ATP2B2: variants seen among roughly 807,000 people sequenced by gnomAD.
ATP2B2 encodes plasma membrane calcium-transporting ATPase 2.
Under a neutral mutation model 120.0 loss-of-function variants are expected in ATP2B2, and 15 were observed. The ratio of observed to expected loss-of-function variants is 0.12; its 90% CI spans 0.08 to 0.19. The LOEUF (loss-of-function observed/expected upper bound fraction) is 0.19. Among genes scored for constraint, ATP2B2 ranks in the 10% least tolerant of loss-of-function variants. ATP2B2 has a pLI of 1.00. For missense variants in ATP2B2, 1,045 were observed against 1,719.8 expected (o/e 0.61, Z 6.94); for synonymous variants, 694 against 700.3 (o/e 0.99, Z 0.14).
chr3:10,596,448 T>A (rs1441051281), intron 2 of ATP2B2, among the ~76,000 whole-genome samples: 1 of 152,206 alleles, frequency 6.6e-6, no homozygotes, highest in African/African-American at 2.4e-5. Context: ...ACAAATTTAA[T>A]TTTGCATGTC....
intron 2 of ATP2B2, among the ~76,000 whole-genome samples, chr3:10,576,403 C>T (rs1218581605): frequency 6.6e-6 from 1 of 152,132 alleles, no homozygotes; most frequent in Admixed American, 6.5e-5. Flanking sequence ...TTTTTTGAGA[C>T]ATCATCTTGC....
chr3:10,401,088 G>C lies in ATP2B2; in HGVS notation c.656-10C>G, dbSNP rs368929622. The C allele has an allele frequency of 7.9e-5, 127 of 1,613,732 alleles. No individual in the cohort carries two copies. In the African/African-American group the frequency reaches 1.5e-3, roughly 19 times the overall value. On this transcript the variant is annotated splice_polypyrimidine_tract_variant and intron_variant, in intron 4 of 22. Coordinates refer to ENST00000360273, the MANE Select transcript of ATP2B2 (RefSeq NM_001001331.4). ...GCAGGGAGGAGGTCACCTGGCAAGA[G>C]GAAGGGCAGGGGAGTCAGCAGGCTC...
chr3:10,445,916 G>C (rs1464019848), intron 2 of ATP2B2, among the ~76,000 whole-genome samples: 1 of 152,200 alleles, frequency 6.6e-6, no homozygotes, highest in African/African-American at 2.4e-5. Flanking sequence ...AGATGGCCAA[G>C]CAGGGTGGGA....
intron 1 of ATP2B2, among the ~76,000 whole-genome samples, chr3:10,464,239 G>C (rs548055808): frequency 6.6e-6 from 1 of 152,280 alleles, no homozygotes; most frequent in African/African-American, 2.4e-5. Flanking sequence ...GCGCAGCCGA[G>C]TCCTCGCGAC....
At chr3:10,466,287 C>T (rs2064737917) in intron 1 of ATP2B2, among the ~76,000 whole-genome samples, 1 of 152,242 alleles carries the variant, frequency 6.6e-6, no homozygotes, top group Non-Finnish European at 1.5e-5. Flanking sequence ...CCTGCTCCCT[C>T]TTGTCCACTG....
chr3:10,509,611 C>T (rs1364548363), upstream of ATP2B2, among the ~76,000 whole-genome samples: 3 of 152,226 alleles, frequency 2.0e-5, no homozygotes, highest in African/African-American at 7.2e-5. Flanking sequence ...TCTCTCTGCG[C>T]CTGCCTAAAG....
chr3:10,614,139 G>A (rs913707670), intron 2 of ATP2B2, among the ~76,000 whole-genome samples: 2 of 152,002 alleles, frequency 1.3e-5, no homozygotes, highest in Non-Finnish European at 2.9e-5. Context: ...TATTACATAT[G>A]CATTTGTTTA....
chr3:10,536,866 T>C (rs57014812), intron 2 of ATP2B2, among the ~76,000 whole-genome samples: 3,557 of 152,296 alleles, frequency 0.023, 54 homozygotes, highest in Middle Eastern at 0.085. Context: ...TTTTACATGT[T>C]ATATTGAAGT....
chr3:10,403,696 C>A (rs1205872469), intron 3 of ATP2B2, among the ~76,000 whole-genome samples: 1 of 152,214 alleles, frequency 6.6e-6, no homozygotes, highest in Non-Finnish European at 1.5e-5. Flanking sequence ...CCACGGGGGC[C>A]AGGTGGGGCA....
chr3:10,684,589 T>TGGG (rs1287161390), intron 1 of ATP2B2, among the ~76,000 whole-genome samples: 1 of 152,264 alleles, frequency 6.6e-6, no homozygotes, highest in Non-Finnish European at 1.5e-5. Flanking sequence ...CTGCCACTGA[T>TGGG]ATGCTATCTG....
Position 10,603,477 on chromosome 3 carries a change from G to A in ATP2B2, c.-415+16440C>T, listed in dbSNP as rs531477031. Among the ~76,000 whole-genome samples the A allele has an allele frequency of 2.0e-5, 3 of 152,342 alleles. No homozygotes were observed. The East Asian group carries it at 5.8e-4, about 29-fold the overall frequency. On this transcript the variant is annotated intron_variant, in intron 2 of 21. Coordinates refer to the ATP2B2 transcript ENST00000646379. ...CACTCATTGTTGGAATGCAAATGCT[G>A]CTGCTAAAAGCCTGCTCTCCTAAGT...
chr3:10,643,516 C>T (rs766363014), intron 1 of ATP2B2, among the ~76,000 whole-genome samples: 3 of 152,168 alleles, frequency 2.0e-5, no homozygotes, highest in Non-Finnish European at 2.9e-5. Flanking sequence ...GACACCTTGT[C>T]CGGATGGTCA....
At position 10,378,178 on chromosome 3, in the gene ATP2B2, C is replaced by T. The variant is rs2061430979; in HGVS notation, c.1201+74G>A. The T allele has an allele frequency of 2.3e-5, 36 of 1,554,872 alleles. No individual in the cohort carries two copies. The South Asian group carries it at 3.6e-4, about 16-fold the overall frequency. ...CACTTTGCAGATGAGGTAACTGAGG[C>T]CGAGCATGGGGCAGGGCTCTGCCTG... On this transcript the variant is annotated intron_variant, in intron 10 of 22. Transcript: ENST00000360273.
At chr3:10,594,251 T>G (rs2068710209) in intron 2 of ATP2B2, among the ~76,000 whole-genome samples, 1 of 152,306 alleles carries the variant, frequency 6.6e-6, no homozygotes, top group Non-Finnish European at 1.5e-5. Flanking sequence ...CATGCTGCTC[T>G]AAAGACACAT....
At chr3:10,667,592 A>G (rs1041895940) in intron 1 of ATP2B2, among the ~76,000 whole-genome samples, 1 of 152,226 alleles carries the variant, frequency 6.6e-6, no homozygotes, top group African/African-American at 2.4e-5. Context: ...AGACTTTCAC[A>G]GGGACCATTT....
At chr3:10,509,357 C>G (rs892728450), upstream of ATP2B2, among the ~76,000 whole-genome samples, 5 of 152,144 alleles carry the variant, frequency 3.3e-5, no homozygotes, top group Non-Finnish European at 2.9e-5. Context: ...TGGGGCAGCT[C>G]TCAGGTCACT....
rs1489671603 is a variant in ATP2B2 at position 10,402,239 on chromosome 3, G to A, written c.507C>T (p.Ala169=). 2 of 1,614,192 alleles carry A rather than the reference G, an allele frequency of 1.2e-6. No homozygotes were observed. Among genetic ancestry groups the A allele is most frequent in the Non-Finnish European group, 1.7e-6 (2 of 1,180,038 alleles). ...LSVICVVLVT[A]FNDWSKEKQF... ...GTTTCTCTTTGCTCCAGTCATTGAA[G>A]GCCGTGACCAGGACCACACAGATAA... Residue 169 remains alanine (A), a synonymous_variant, in exon 4 of 23, where the codon GCC becomes GCT. Transcript: ENST00000360273. This position sits in a 1 kb window ranked among gnomAD's most constrained non-coding sequence, Gnocchi z 4.9.
chr3:10,613,225 GCT>G (rs1370015426), intron 2 of ATP2B2, among the ~76,000 whole-genome samples: 1 of 152,184 alleles, frequency 6.6e-6, no homozygotes, highest in Non-Finnish European at 1.5e-5. Context: ...ATGTGTGGGA[GCT>G]CTGTGTTCAG....
Position 10,402,110 on chromosome 3 carries a change from G to A in ATP2B2, c.636C>T (p.Asp212=), listed in dbSNP as rs2062241654. The change falls in exon 4 of 23, where the codon GAC becomes GAT. Residue 212 remains aspartate, a synonymous_variant. Coordinates refer to ENST00000360273, the MANE Select transcript of ATP2B2 (RefSeq NM_001001331.4). This position sits in a 1 kb window ranked among gnomAD's most constrained non-coding sequence, Gnocchi z 4.9. ...ACTTACCATATTTGACCTGGGCTAT[G>A]TCCCCAACCACGATCTCAGCCACAG... ...QIPVAEIVVG[D]IAQVKYGDLL... is the part of the protein sequence containing the mutation. 1.2e-6 allele frequency: 2 copies of A among 1,614,044 alleles called. No homozygotes were observed. Among genetic ancestry groups the A allele is most frequent in the Non-Finnish European group, 1.7e-6 (2 of 1,180,028 alleles).
Sources: allele counts gnomAD v4.1 joint callset (sites outside exome capture counted in the v4.1 genomes callset), GRCh38; gene constraint gnomAD v4.1.1; non-coding constraint Gnocchi (gnomAD v3.1); transcripts MANE v1.5; gene names NCBI Gene and HGNC (gene_info 2026-07-23, HGNC 2026-07-21).